Variants in EDAR observed in about 807,000 individuals in gnomAD.
EDAR encodes the protein ectodysplasin A receptor, also known as tumor necrosis factor receptor superfamily member EDAR.
EDAR carries 38 observed loss-of-function variants against 51.3 expected under a neutral mutation model. The observed-to-expected ratio is 0.74, with a 90% CI of 0.57 to 0.97. The LOEUF (loss-of-function observed/expected upper bound fraction) is 0.97. Among genes scored for constraint, EDAR ranks in the 50% least tolerant of loss-of-function variants. The pLI is 0.00. For missense variants in EDAR, 528 were observed against 595.0 expected (o/e 0.89, Z 1.17); for synonymous variants, 227 against 242.1 (o/e 0.94, Z 0.58).
At chr2:108,960,202 C>T (rs916800675) in intron 1 of EDAR, among the ~76,000 whole-genome samples, 13 of 152,130 alleles carry the variant, frequency 8.5e-5, no homozygotes, top group Admixed American at 3.9e-4. Flanking sequence ...ACCAGTTCTC[C>T]CCGGGGCTGC....
intron 1 of EDAR, among the ~76,000 whole-genome samples, chr2:108,985,623 T>A (rs1202925793): frequency 2.0e-5 from 3 of 152,196 alleles, no homozygotes; most frequent in Non-Finnish European, 2.9e-5. Context: ...AAGCAGGACC[T>A]CCAGCTTCAC....
chr2:108,923,691 G>T (rs1194616615), intron 4 of EDAR, among the ~76,000 whole-genome samples: 3 of 152,210 alleles, frequency 2.0e-5, no homozygotes, highest in African/African-American at 7.2e-5. Context: ...TTTGATCTCA[G>T]CCCCTTTCTG....
At chr2:108,975,140 G>A (rs1558842520) in intron 1 of EDAR, among the ~76,000 whole-genome samples, 1 of 152,216 alleles carries the variant, frequency 6.6e-6, no homozygotes, top group Non-Finnish European at 1.5e-5. Context: ...GTGCTGGGCA[G>A]GGTCCAAAGG....
chr2:108,976,690 T>C (rs1190633799), intron 1 of EDAR, among the ~76,000 whole-genome samples: 4 of 152,364 alleles, frequency 2.6e-5, no homozygotes, highest in African/African-American at 9.6e-5. Flanking sequence ...AAACTCTGGG[T>C]TATAACCCAA....
chr2:108,949,765 G>A (rs1259154591), intron 1 of EDAR, among the ~76,000 whole-genome samples: 2 of 152,126 alleles, frequency 1.3e-5, no homozygotes, highest in African/African-American at 4.8e-5. Context: ...AAACTCCAAA[G>A]AGAAAGAGTG....
chr2:108,907,736 A>G (rs967238035), intron 10 of EDAR, 124 bp downstream of exon 10: 3 of 1,129,422 alleles, frequency 2.7e-6, no homozygotes, highest in South Asian at 1.3e-5. Context: ...CAGGTCTCCT[A>G]TCTTGGACTT....
intron 10 of EDAR, among the ~76,000 whole-genome samples, chr2:108,907,600 A>T (rs1038354728): frequency 4.6e-5 from 7 of 151,850 alleles, no homozygotes; most frequent in African/African-American, 1.7e-4. Flanking sequence ...GTGAGCCGAG[A>T]TCGCACCACT....
At position 108,930,170 on chromosome 2, in the gene EDAR, C is replaced by T. The variant is rs752758210; in HGVS notation, c.124G>A (p.Gly42Arg). ...GENEYYNQTTGLCQECPPCGP... is the reference protein window; with the variant it reads ...GENEYYNQTTRLCQECPPCGP... ...CACGGGGGGCACTCCTGGCACAGCC[C>T]CGTAGTCTGGTTGTAGTACTCGTTC... Residue 42 changes from glycine (G) to arginine (R), a missense_variant, in exon 3 of 12, where the codon GGG becomes AGG. Gly to Arg is a moderately radical substitution (Grantham distance 125). Coordinates refer to ENST00000258443, the MANE Select transcript of EDAR (RefSeq NM_022336.4). 2.5e-6 allele frequency: 4 copies of T among 1,614,076 alleles called. No individual in the cohort carries two copies. Among genetic ancestry groups the T allele is most frequent in the Middle Eastern group, 1.7e-4 (1 of 6,060 alleles).
At chr2:108,965,049 CCAAA>C (rs905962282) in intron 1 of EDAR, among the ~76,000 whole-genome samples, 3 of 152,260 alleles carry the variant, frequency 2.0e-5, no homozygotes, top group Admixed American at 6.5e-5. Context: ...TAATATTCCT[CCAAA>C]CATTTTTTAA....
chr2:108,955,051 C>T (rs778618697), intron 1 of EDAR, among the ~76,000 whole-genome samples: 25 of 152,188 alleles, frequency 1.6e-4, no homozygotes, highest in African/African-American at 2.4e-4. Flanking sequence ...CTGAGGGAAG[C>T]GCTCACAACT....
Position 108,910,807 on chromosome 2 carries a change from C to T in EDAR, c.699G>A (p.Val233=). 1.2e-6 allele frequency: 2 copies of T among 1,613,904 alleles called. No individual in the cohort carries two copies. Among genetic ancestry groups the T allele is most frequent in the Non-Finnish European group, 1.7e-6 (2 of 1,180,014 alleles). The change falls in exon 8 of 12, where the codon GTG becomes GTA. Residue 233 remains valine, a synonymous_variant. Transcript: ENST00000258443. ...SHPGKSVEAQ[V]SKDEEKKEAP... ...CCTCTTTCTTCTCCTCGTCCTTGCT[C>T]ACTTGGGCCTCCACGCTCTTCCCCG...
At chr2:108,898,249 G>T (rs111822714) in intron 11 of EDAR, among the ~76,000 whole-genome samples, 3 of 152,148 alleles carry the variant, frequency 2.0e-5, no homozygotes, top group African/African-American at 7.2e-5. Context: ...GTCAGGAAAG[G>T]CCATGTAGGG....
chr2:108,980,836 A>T (rs551210994), intron 1 of EDAR, among the ~76,000 whole-genome samples: 1 of 152,258 alleles, frequency 6.6e-6, no homozygotes, highest in East Asian at 1.9e-4. Context: ...ACCATACTCC[A>T]TGGGGGCTGG....
At chr2:108,911,591 G>A (rs1558802648) in intron 6 of EDAR, among the ~76,000 whole-genome samples, 2 of 152,172 alleles carry the variant, frequency 1.3e-5, no homozygotes, top group African/African-American at 4.8e-5. Flanking sequence ...TATTCCACCT[G>A]CACTGCCGCC....
chr2:108,906,182 C>G (rs1558798807), intron 11 of EDAR, 126 bp downstream of exon 11: 1 of 959,878 alleles, frequency 1.0e-6, no homozygotes, highest in Non-Finnish European at 1.7e-6. Flanking sequence ...GCCATTCTGA[C>G]CAAAGTGCGG....
intron 10 of EDAR, 120 bp from the exon 11 acceptor site, chr2:108,906,488 A>G (rs1696809441): frequency 9.9e-7 from 1 of 1,014,080 alleles, no homozygotes. Context: ...CGCTGCACAC[A>G]GCCCCCGTGT....
intron 1 of EDAR, among the ~76,000 whole-genome samples, chr2:108,984,023 C>T (rs573775974): frequency 6.6e-6 from 1 of 152,352 alleles, no homozygotes; most frequent in East Asian, 1.9e-4. Flanking sequence ...AGTGTTCTTT[C>T]TCTGCACAAC....
intron 11 of EDAR, among the ~76,000 whole-genome samples, chr2:108,900,571 A>AAAAAAAAAAAAAC (rs1558795844): frequency 2.0e-5 from 3 of 147,416 alleles, no homozygotes; most frequent in Admixed American, 6.7e-5. Context: ...AAAAAAAAAA[A>AAAAAAAAAAAAAC]AACAAAAAAC....
chr2:108,949,102 T>C (rs993072900), intron 1 of EDAR, among the ~76,000 whole-genome samples: 2 of 152,176 alleles, frequency 1.3e-5, no homozygotes, highest in African/African-American at 4.8e-5. Context: ...CTCAGCCTCC[T>C]GAGTAGCTGG....
Sources: gnomAD v4.1 joint callset for allele counts (sites outside exome capture counted in the v4.1 genomes callset) on GRCh38, gnomAD v4.1.1 for gene constraint, MANE v1.5 for transcripts, NCBI Gene and HGNC (gene_info 2026-07-23, HGNC 2026-07-21) for gene names.